The following MCTP1 variants were observed in gnomAD, a reference collection of about 807,000 sequenced individuals.
MCTP1 encodes the protein multiple C2 and transmembrane domain-containing protein 1.
A neutral mutation model predicts 120.6 loss-of-function variants in MCTP1; 69 were observed. The ratio of observed to expected loss-of-function variants is 0.57; its 90% CI spans 0.47 to 0.70. The LOEUF (loss-of-function observed/expected upper bound fraction) is 0.70, where lower values mean the gene tolerates loss of function less well. Ranked by LOEUF, MCTP1 falls within the 30% of genes least tolerant of loss-of-function variation. MCTP1 has a pLI of 0.00. For synonymous variants in MCTP1, 529 were observed against 493.1 expected, an observed-to-expected ratio of 1.07 and a Z score of -0.96; for missense variants, 1,203 against 1,248.8, an observed-to-expected ratio of 0.96 and a Z score of 0.55.
At chr5:95,220,154 C>T (rs571027684) in intron 1 of MCTP1, among the ~76,000 whole-genome samples, 5 of 152,254 alleles carry the variant, frequency 3.3e-5, no homozygotes, top group Admixed American at 1.3e-4. Flanking sequence ...GTTCCTTAAG[C>T]GGCTGCTAAT....
intron 3 of MCTP1, among the ~76,000 whole-genome samples, chr5:94,947,512 C>A (rs1819250067): frequency 7.3e-6 from 1 of 137,338 alleles, no homozygotes; most frequent in Non-Finnish European, 1.5e-5. Context: ...ATAGTATATC[C>A]AATTTCAAAA....
chr5:95,263,902 C>T (rs1758676166), intron 1 of MCTP1, among the ~76,000 whole-genome samples: 1 of 152,204 alleles, frequency 6.6e-6, no homozygotes, highest in Non-Finnish European at 1.5e-5. Context: ...CCAGTCTCCA[C>T]CCAGGGGCAG....
At chr5:94,856,932 G>C (rs1794824389) in intron 17 of MCTP1, among the ~76,000 whole-genome samples, 1 of 151,594 alleles carries the variant, frequency 6.6e-6, no homozygotes, top group African/African-American at 2.4e-5. Context: ...AGCAGAGAGA[G>C]GAAGGAGAAA....
At chr5:95,242,967 G>C (rs1325410845) in intron 1 of MCTP1, among the ~76,000 whole-genome samples, 3 of 152,058 alleles carry the variant, frequency 2.0e-5, no homozygotes, top group African/African-American at 7.2e-5. Context: ...GTCACTAAAG[G>C]TCCTGTGAAA....
chr5:95,059,337 A>C (rs1041508110), intron 1 of MCTP1, among the ~76,000 whole-genome samples: 2 of 152,164 alleles, frequency 1.3e-5, no homozygotes, highest in Admixed American at 6.5e-5. Context: ...GCATGTTGTC[A>C]CTTGTAAATT....
chr5:95,205,145 A>G (rs953434183), intron 1 of MCTP1, among the ~76,000 whole-genome samples: 6 of 152,202 alleles, frequency 3.9e-5, no homozygotes, highest in African/African-American at 7.2e-5. Flanking sequence ...GAACAGAAAT[A>G]CAGATAAATG....
intron 1 of MCTP1, among the ~76,000 whole-genome samples, chr5:95,097,280 G>A (rs1039518385): frequency 7.2e-5 from 11 of 152,154 alleles, no homozygotes; most frequent in South Asian, 2.1e-4. Flanking sequence ...TGATAATGAG[G>A]GAGTGACACA....
chr5:94,790,057 T>C (rs574468810), intron 18 of MCTP1, among the ~76,000 whole-genome samples: 17 of 152,142 alleles, frequency 1.1e-4, no homozygotes, highest in Non-Finnish European at 2.4e-4. Context: ...CCAGTTATGA[T>C]AATATACTGA....
intron 17 of MCTP1, among the ~76,000 whole-genome samples, chr5:94,864,147 C>G (rs951828836): frequency 4.0e-5 from 6 of 151,866 alleles, no homozygotes; most frequent in African/African-American, 2.4e-5. Flanking sequence ...GGGAGAGAAT[C>G]TCAGTAGGAA....
At chr5:95,007,356 C>T (rs772730585) in intron 2 of MCTP1, among the ~76,000 whole-genome samples, 7 of 152,112 alleles carry the variant, frequency 4.6e-5, no homozygotes, top group South Asian at 4.1e-4. Flanking sequence ...CGAAGAGGAA[C>T]CTGAATAGCA....
intron 19 of MCTP1, among the ~76,000 whole-genome samples, chr5:94,771,178 A>C (rs1188265836): frequency 1.3e-5 from 2 of 152,196 alleles, no homozygotes; most frequent in African/African-American, 4.8e-5. Flanking sequence ...AACAGTGGTG[A>C]GGGCAACAAA....
chr5:95,227,410 A>C (rs1268547553), intron 1 of MCTP1, among the ~76,000 whole-genome samples: 1 of 152,246 alleles, frequency 6.6e-6, no homozygotes, highest in African/African-American at 2.4e-5. Context: ...CCCTAATAGA[A>C]TCAATCATCA....
chr5:94,916,741 C>A (rs1810168395), intron 8 of MCTP1, among the ~76,000 whole-genome samples: 1 of 152,168 alleles, frequency 6.6e-6, no homozygotes, highest in South Asian at 2.1e-4. Context: ...GCATTGATGT[C>A]ACCTGGGAAC....
intron 1 of MCTP1, among the ~76,000 whole-genome samples, chr5:95,184,122 G>A (rs544353331): frequency 1.8e-4 from 28 of 152,050 alleles, no homozygotes; most frequent in African/African-American, 5.1e-4. Context: ...AAACCTGTAC[G>A]TTCTGCACAT....
chr5:95,137,036 G>A (rs1298402123), intron 1 of MCTP1, among the ~76,000 whole-genome samples: 1 of 152,126 alleles, frequency 6.6e-6, no homozygotes, highest in South Asian at 2.1e-4. Flanking sequence ...AATTACTAAG[G>A]TATTTCACTT....
intron 1 of MCTP1, among the ~76,000 whole-genome samples, chr5:95,086,388 T>C (rs1299866536): frequency 6.6e-6 from 1 of 152,178 alleles, no homozygotes; most frequent in Non-Finnish European, 1.5e-5. Context: ...GAAGTAACCA[T>C]GTGCCAGAGG....
At chr5:95,223,852 C>T (rs1161927490) in intron 1 of MCTP1, among the ~76,000 whole-genome samples, 1 of 152,174 alleles carries the variant, frequency 6.6e-6, no homozygotes, top group Non-Finnish European at 1.5e-5. Context: ...AGTCTTTAAG[C>T]TGTGACCTGA....
At chr5:95,040,353 G>A (rs1387640648) in intron 1 of MCTP1, among the ~76,000 whole-genome samples, 3 of 151,702 alleles carry the variant, frequency 2.0e-5, no homozygotes, top group Admixed American at 2.0e-4. Context: ...CACCAGAATC[G>A]CTTGAACCTG....
intron 1 of MCTP1, among the ~76,000 whole-genome samples, chr5:95,224,653 A>G (rs1313019152): frequency 6.6e-6 from 1 of 152,076 alleles, no homozygotes; most frequent in African/African-American, 2.4e-5. Flanking sequence ...AAGTATAGGA[A>G]TGCACCACCA....
Sources: gnomAD v4.1 joint callset for allele counts (sites outside exome capture counted in the v4.1 genomes callset) on GRCh38, gnomAD v4.1.1 for gene constraint, MANE v1.5 for transcripts, NCBI Gene and HGNC (gene_info 2026-07-23, HGNC 2026-07-21) for gene names.